Variants in ZFYVE16 observed in about 807,000 individuals in gnomAD.
ZFYVE16 encodes zinc finger FYVE domain-containing protein 16.
In ZFYVE16, 89 loss-of-function variants were observed where a neutral mutation model predicts 138.1. The ratio of observed to expected loss-of-function variants is 0.64; its 90% CI spans 0.54 to 0.77. The LOEUF is 0.77. Among genes scored for constraint, ZFYVE16 ranks in the 30% least tolerant of loss-of-function variants. The pLI is 0.00. For synonymous variants in ZFYVE16, 596 were observed against 618.3 expected, an observed-to-expected ratio of 0.96 and a Z score of 0.53; for missense variants, 1,793 against 1,786.7, an observed-to-expected ratio of 1.00 and a Z score of -0.06.
intron 8 of ZFYVE16, among the ~76,000 whole-genome samples, chr5:80,448,988 C>G (rs976454984): frequency 3.3e-5 from 5 of 152,098 alleles, no homozygotes; most frequent in Non-Finnish European, 7.3e-5. Context: ...TGGCGGTTCT[C>G]TGCGTGATAA....
intron 1 of ZFYVE16, among the ~76,000 whole-genome samples, chr5:80,423,905 C>T (rs1747607305): frequency 6.6e-6 from 1 of 151,800 alleles, no homozygotes; most frequent in Non-Finnish European, 1.5e-5. Context: ...TTCTAGTTTC[C>T]CAAGGTGGAT....
At chr5:80,435,413 C>A (rs1175389267) in intron 3 of ZFYVE16, among the ~76,000 whole-genome samples, 1 of 152,186 alleles carries the variant, frequency 6.6e-6, no homozygotes, top group Non-Finnish European at 1.5e-5. Context: ...AGGTTATCCG[C>A]CTGTCTCAGC....
At position 80,440,476 on chromosome 5, in the gene ZFYVE16, G is replaced by A. The variant is rs1267546563; in HGVS notation, c.2419+444G>A. The stretch of plus-strand genomic sequence containing the variant: ...ACCTAAAATGAGAGTAGAAGATAAG[G>A]TGGTAATATTTATGATTTTATAAAT... On this transcript the variant is annotated intron_variant, in intron 5 of 18. Transcript: ENST00000505560. The A allele has an allele frequency of 1.0e-5, 10 of 985,430 alleles. No homozygotes were observed. The South Asian group carries it at 3.8e-4, about 37-fold the overall frequency. The allele number at this position is 985,430 out of a possible 1,614,324, so 61.0% of individuals were successfully genotyped here.
intron 11 of ZFYVE16, chr5:80,454,748 C>T (rs908850349): frequency 3.3e-5 from 5 of 152,168 alleles, no homozygotes; most frequent in Admixed American, 6.5e-5. Context: ...CTGACCTCAT[C>T]ATCTACCCGC....
chr5:80,435,763 T>TG, intron 3 of ZFYVE16: 1 of 436,642 alleles, frequency 2.3e-6, no homozygotes, highest in South Asian at 1.6e-5. Flanking sequence ...TTTTTACAGA[T>TG]GGGGTCTCAC....
chr5:80,477,074 G>A, intron 18 of ZFYVE16, 145 bp from the exon 19 acceptor site: 1 of 630,996 alleles, frequency 1.6e-6, no homozygotes, highest in South Asian at 2.9e-5. Flanking sequence ...AGATACAGGA[G>A]AATGTAGAAT....
Position 80,476,515 on chromosome 5 carries a change from A to G in ZFYVE16, c.4462-704A>G, listed in dbSNP as rs149712532. On this transcript the variant is annotated intron_variant, in intron 18 of 18. Coordinates refer to ENST00000505560, the MANE Select transcript of ZFYVE16 (RefSeq NM_001284236.3). The stretch of plus-strand genomic sequence containing the variant: ...TAACAAGGAGTGATGATCATCTTGC[A>G]TGTAAAAACAATTTGTTTTTCTTTG... Among the ~76,000 whole-genome samples, 509 of 152,322 alleles carry G rather than the reference A, an allele frequency of 3.3e-3. 2 individuals carry two copies. Among genetic ancestry groups the G allele is most frequent in the African/African-American group, 0.012 (487 of 41,564 alleles).
chr5:80,427,821 A>G (rs1748337884), intron 2 of ZFYVE16, among the ~76,000 whole-genome samples: 3 of 151,148 alleles, frequency 2.0e-5, no homozygotes, highest in Admixed American at 6.6e-5. Context: ...AAGGTTCAAA[A>G]GTTAACTGAG....
intron 2 of ZFYVE16, among the ~76,000 whole-genome samples, chr5:80,428,629 A>G (rs835731): frequency 0.8 from 121,095 of 152,154 alleles, 50,527 homozygotes; most frequent in East Asian, 0.92. Flanking sequence ...GAGTTGAGAG[A>G]AGAAGGCTTC....
rs1011902992 is a variant in ZFYVE16 at position 80,441,469 on chromosome 5, A to G, written c.2419+1437A>G. On this transcript the variant is annotated intron_variant, in intron 5 of 18. Transcript: ENST00000505560. ...ATGGTGCTATTTGTCATTAATTCAT[A>G]TGCCACAGGAGAGCATAAATAAAAG... 12 of 985,250 alleles carry G rather than the reference A, an allele frequency of 1.2e-5. No homozygotes were observed. The Admixed American group carries it at 6.8e-4, about 56-fold the overall frequency. 61.0% of individuals were successfully genotyped at this position (985,250 alleles called of 1,614,324 possible).
chr5:80,458,106 A>G (rs999421601), intron 14 of ZFYVE16, among the ~76,000 whole-genome samples: 3 of 150,292 alleles, frequency 2.0e-5, no homozygotes, highest in Admixed American at 6.6e-5. Context: ...ATTTTACTGT[A>G]TTTCCTTCTT....
intron 5 of ZFYVE16, among the ~76,000 whole-genome samples, chr5:80,442,865 T>G (rs1434728386): frequency 6.6e-6 from 1 of 152,224 alleles, no homozygotes; most frequent in Non-Finnish European, 1.5e-5. Context: ...TAAGGGTTAC[T>G]CTCTGTAGAT....
At chr5:80,470,427 T>A (rs968240621) in intron 15 of ZFYVE16, among the ~76,000 whole-genome samples, 3 of 152,146 alleles carry the variant, frequency 2.0e-5, no homozygotes, top group Non-Finnish European at 4.4e-5. Context: ...TTATAGCTGT[T>A]TTAAAATTTT....
At chr5:80,454,529 C>T (rs1183519170) in intron 11 of ZFYVE16, 4 of 147,876 alleles carry the variant, frequency 2.7e-5, no homozygotes, top group African/African-American at 7.6e-5. Context: ...TTTTTTGAGA[C>T]GGAGTCTCAC....
intron 7 of ZFYVE16, among the ~76,000 whole-genome samples, chr5:80,445,855 G>A (rs911536997): frequency 1.4e-5 from 2 of 145,990 alleles, no homozygotes; most frequent in Non-Finnish European, 3.0e-5. Context: ...ATCCTCCTGA[G>A]TCATTGAGAT....
At chr5:80,416,427 TG>T (rs1391364202) in intron 1 of ZFYVE16, among the ~76,000 whole-genome samples, 8 of 151,888 alleles carry the variant, frequency 5.3e-5, no homozygotes, top group Admixed American at 5.2e-4. Context: ...GGCTAATTTT[TG>T]TGTTTTTAGT....
chr5:80,466,181 C>A (rs1018872055), intron 15 of ZFYVE16, among the ~76,000 whole-genome samples: 1 of 152,162 alleles, frequency 6.6e-6, no homozygotes, highest in Non-Finnish European at 1.5e-5. Flanking sequence ...CTGCCTCAAC[C>A]TCCCAAAGTG....
At chr5:80,433,314 A>G (rs1006135115) in intron 2 of ZFYVE16, among the ~76,000 whole-genome samples, 2 of 152,198 alleles carry the variant, frequency 1.3e-5, no homozygotes, top group Admixed American at 6.5e-5. Flanking sequence ...GGAAACCATC[A>G]TTCTCAGCCA....
rs1396760710 is a variant in ZFYVE16, at chr5:80,457,105, G to T, written c.3943+13G>T. 1.2e-6 allele frequency: 2 copies of T among 1,607,722 alleles called. No individual in the cohort carries two copies. Among genetic ancestry groups the T allele is most frequent in the South Asian group, 2.2e-5 (2 of 89,208 alleles). Reference sequence around the variant, plus strand: ...CATCCTAGAAAAGGTGAGCATCTTGGTTCCTAGTGCTAATTTACAAAACCA... The same window carrying T: ...CATCCTAGAAAAGGTGAGCATCTTGTTTCCTAGTGCTAATTTACAAAACCA... On this transcript the variant is annotated intron_variant, in intron 14 of 18. Transcript: ENST00000505560.
Sources: allele counts gnomAD v4.1 joint callset (sites outside exome capture counted in the v4.1 genomes callset), GRCh38; gene constraint gnomAD v4.1.1; transcripts MANE v1.5; gene names NCBI Gene and HGNC (gene_info 2026-07-23, HGNC 2026-07-21).